GPC6: variants seen among roughly 807,000 people sequenced by gnomAD.
GPC6 encodes glypican-6.
In GPC6, 14 loss-of-function variants were observed where a neutral mutation model predicts 55.2. The ratio of observed to expected loss-of-function variants is 0.25; its 90% CI spans 0.17 to 0.40. GPC6 has a LOEUF of 0.40. Among genes scored for constraint, GPC6 ranks in the 10% least tolerant of loss-of-function variants. GPC6 has a pLI of 1.00. For synonymous variants in GPC6, 278 were observed against 259.6 expected (o/e 1.07, Z -0.68); for missense variants, 641 against 708.5 (o/e 0.90, Z 1.08).
chr13:94,331,686 T>C (rs1877429166), intron 6 of GPC6, among the ~76,000 whole-genome samples: 1 of 152,146 alleles, frequency 6.6e-6, no homozygotes, highest in African/African-American at 2.4e-5. Flanking sequence ...TTCCAAATAG[T>C]ATGAGAAAGG....
intron 7 of GPC6, among the ~76,000 whole-genome samples, chr13:94,383,140 T>C (rs939365019): frequency 1.3e-5 from 2 of 152,102 alleles, no homozygotes; most frequent in Non-Finnish European, 2.9e-5. Context: ...GGACTTGATA[T>C]GGAATTTCTG....
intron 5 of GPC6, among the ~76,000 whole-genome samples, chr13:94,297,360 A>G (rs150540772): frequency 1.3e-5 from 2 of 152,290 alleles, no homozygotes; most frequent in East Asian, 3.9e-4. Flanking sequence ...TATTCTGCAA[A>G]GTGATCTTAC....
At chr13:93,728,540 C>T (rs1257361465) in intron 2 of GPC6, among the ~76,000 whole-genome samples, 1 of 150,636 alleles carries the variant, frequency 6.6e-6, no homozygotes, top group Non-Finnish European at 1.5e-5. Context: ...CATACCCAGC[C>T]TTATTTTATC....
intron 4 of GPC6, among the ~76,000 whole-genome samples, chr13:94,239,060 G>A (rs1890970344): frequency 6.6e-6 from 1 of 152,036 alleles, no homozygotes; most frequent in Non-Finnish European, 1.5e-5. Flanking sequence ...TGAATACAAC[G>A]CAAAACATTT....
intron 2 of GPC6, among the ~76,000 whole-genome samples, chr13:93,776,452 C>CA (rs1201494324): frequency 6.6e-6 from 1 of 152,112 alleles, no homozygotes; most frequent in Non-Finnish European, 1.5e-5. Context: ...CCCACACTCT[C>CA]TTTTTCCACC....
chr13:94,281,614 G>A (rs987224649), intron 4 of GPC6, among the ~76,000 whole-genome samples: 2 of 152,118 alleles, frequency 1.3e-5, no homozygotes, highest in African/African-American at 4.8e-5. Context: ...CTAGGGGAAG[G>A]TAAACATTCA....
chr13:94,269,260 T>C (rs1333715398), intron 4 of GPC6, among the ~76,000 whole-genome samples: 1 of 152,168 alleles, frequency 6.6e-6, no homozygotes, highest in Non-Finnish European at 1.5e-5. Flanking sequence ...CTCCTCAAAA[T>C]GTCTGTAATC....
At chr13:93,491,653 G>T (rs1295107598) in intron 1 of GPC6, among the ~76,000 whole-genome samples, 14 of 144,096 alleles carry the variant, frequency 9.7e-5, no homozygotes, top group African/African-American at 3.7e-4. Flanking sequence ...TATGGTTTTA[G>T]GTCTAATGTT....
chr13:93,910,681 T>G (rs1182099031), intron 3 of GPC6, among the ~76,000 whole-genome samples: 1 of 152,046 alleles, frequency 6.6e-6, no homozygotes, highest in African/African-American at 2.4e-5. Flanking sequence ...ACCTCAAAGT[T>G]CTAGAATATG....
At chr13:93,519,345 A>G (rs922847993) in intron 1 of GPC6, among the ~76,000 whole-genome samples, 7 of 152,024 alleles carry the variant, frequency 4.6e-5, no homozygotes, top group African/African-American at 1.7e-4. Flanking sequence ...TGTTTCTGTT[A>G]CACACACATA....
chr13:93,711,085 G>C (rs554718419), intron 2 of GPC6, among the ~76,000 whole-genome samples: 4 of 151,852 alleles, frequency 2.6e-5, no homozygotes, highest in African/African-American at 9.6e-5. Context: ...GCTAAAACAA[G>C]GCTGAGAAAT....
intron 4 of GPC6, among the ~76,000 whole-genome samples, chr13:94,111,893 C>T (rs1310657497): frequency 6.6e-6 from 1 of 152,006 alleles, no homozygotes; most frequent in South Asian, 2.1e-4. Flanking sequence ...TTTTTGAAGC[C>T]GTGGACCCTG....
At chr13:93,877,378 C>G (rs1196773412) in intron 3 of GPC6, among the ~76,000 whole-genome samples, 3 of 151,808 alleles carry the variant, frequency 2.0e-5, no homozygotes, top group Non-Finnish European at 4.4e-5. Flanking sequence ...ATTTATAAAC[C>G]CACTGCAAAT....
chr13:93,832,682 T>C (rs1887565748), intron 3 of GPC6, among the ~76,000 whole-genome samples: 1 of 152,088 alleles, frequency 6.6e-6, no homozygotes, highest in Non-Finnish European at 1.5e-5. Flanking sequence ...AGAGATGGTG[T>C]CTCCCCTTGG....
intron 7 of GPC6, among the ~76,000 whole-genome samples, chr13:94,386,434 T>C (rs567980836): frequency 6.8e-6 from 1 of 147,056 alleles, no homozygotes; most frequent in East Asian, 2.0e-4. Context: ...CTACAAAAAA[T>C]ATTAAAGTAG....
At chr13:93,611,132 A>T (rs957766423) in intron 2 of GPC6, among the ~76,000 whole-genome samples, 2 of 152,138 alleles carry the variant, frequency 1.3e-5, no homozygotes, top group Non-Finnish European at 2.9e-5. Context: ...TTATTAGTAC[A>T]ATTATGTAAG....
intron 2 of GPC6, among the ~76,000 whole-genome samples, chr13:93,600,765 C>T (rs1007868844): frequency 6.6e-6 from 1 of 151,346 alleles, no homozygotes; most frequent in Non-Finnish European, 1.5e-5. Flanking sequence ...GCCTGGCCAA[C>T]ATAGTGAAAT....
At chr13:93,762,887 A>C (rs1176077116) in intron 2 of GPC6, among the ~76,000 whole-genome samples, 1 of 152,194 alleles carries the variant, frequency 6.6e-6, no homozygotes, top group African/African-American at 2.4e-5. Flanking sequence ...AGGTAATTAT[A>C]GTAGATTGCC....
intron 1 of GPC6, among the ~76,000 whole-genome samples, chr13:93,232,884 T>A (rs1246933216): frequency 6.6e-6 from 1 of 152,126 alleles, no homozygotes; most frequent in Admixed American, 6.5e-5. Context: ...AAAATGATTT[T>A]AATCTTTTGA....
Sources: gnomAD v4.1 joint callset for allele counts (sites outside exome capture counted in the v4.1 genomes callset) on GRCh38, gnomAD v4.1.1 for gene constraint, MANE v1.5 for transcripts, NCBI Gene and HGNC (gene_info 2026-07-23, HGNC 2026-07-21) for gene names.